FGGY: variants seen among roughly 807,000 people sequenced by gnomAD.
The protein encoded by FGGY is FGGY carbohydrate kinase domain-containing protein.
Under a neutral mutation model 71.3 loss-of-function variants are expected in FGGY, and 72 were observed. The ratio of observed to expected loss-of-function variants is 1.01; its 90% CI spans 0.84 to 1.23. FGGY has a LOEUF of 1.23. Among genes scored for constraint, FGGY ranks in the 50% most tolerant of loss-of-function variants. The pLI, the probability that FGGY is intolerant of heterozygous loss-of-function variation, is 0.00. For missense variants in FGGY, 668 were observed against 682.3 expected (o/e 0.98, Z 0.23); for synonymous variants, 251 against 250.3 (o/e 1.00, Z -0.02).
chr1:59,301,522 C>G (rs770462150), intron 1 of FGGY, among the ~76,000 whole-genome samples: 1 of 152,130 alleles, frequency 6.6e-6, no homozygotes, highest in Non-Finnish European at 1.5e-5. Flanking sequence ...TCTTCCTGAT[C>G]TGAGGGAGAT....
intron 4 of FGGY, among the ~76,000 whole-genome samples, chr1:59,354,548 C>T (rs2053917920): frequency 6.6e-6 from 1 of 152,206 alleles, no homozygotes; most frequent in Non-Finnish European, 1.5e-5. Flanking sequence ...GTTTGCTTTG[C>T]AGGCTTTGCA....
chr1:59,621,920 A>G (rs72919618), intron 9 of FGGY, among the ~76,000 whole-genome samples: 5,922 of 151,530 alleles, frequency 0.039, 188 homozygotes, highest in African/African-American at 0.089. Context: ...TGTGACTCCA[A>G]TTCCACATAT....
At chr1:59,357,351 T>A (rs1428294464) in intron 4 of FGGY, among the ~76,000 whole-genome samples, 1 of 152,254 alleles carries the variant, frequency 6.6e-6, no homozygotes, top group Non-Finnish European at 1.5e-5. Flanking sequence ...TATAATACTT[T>A]AAAAAATTTT....
intron 7 of FGGY, among the ~76,000 whole-genome samples, chr1:59,513,502 A>G (rs2094565889): frequency 6.6e-6 from 1 of 152,196 alleles, no homozygotes; most frequent in African/African-American, 2.4e-5. Context: ...GACCCATATC[A>G]GATGCTTTCT....
chr1:59,529,499 A>T (rs1317770916), intron 7 of FGGY, among the ~76,000 whole-genome samples: 1 of 152,210 alleles, frequency 6.6e-6, no homozygotes, highest in Non-Finnish European at 1.5e-5. Context: ...AACGTAGAGT[A>T]TTCTGGATGG....
intron 8 of FGGY, among the ~76,000 whole-genome samples, chr1:59,577,562 G>A (rs550797517): frequency 7.9e-5 from 12 of 151,798 alleles, no homozygotes; most frequent in Non-Finnish European, 1.5e-4. Context: ...AAAAAACAGT[G>A]TTGAATGCCT....
chr1:59,546,390 C>T (rs2095520227), intron 7 of FGGY, among the ~76,000 whole-genome samples: 1 of 112,908 alleles, frequency 8.9e-6, no homozygotes, highest in African/African-American at 3.7e-5. Context: ...AGAAAAAGAC[C>T]TTCCCTATTA....
intron 14 of FGGY, among the ~76,000 whole-genome samples, chr1:59,743,696 G>A (rs2098169548): frequency 6.6e-6 from 1 of 151,980 alleles, no homozygotes; most frequent in Admixed American, 6.6e-5. Flanking sequence ...AAAAGCCGGA[G>A]CAAGTTCTTA....
At chr1:59,507,885 T>C (rs1206778340) in intron 6 of FGGY, among the ~76,000 whole-genome samples, 1 of 152,080 alleles carries the variant, frequency 6.6e-6, no homozygotes, top group African/African-American at 2.4e-5. Context: ...CGTGCCCCTC[T>C]GGGCAATTCC....
intron 9 of FGGY, among the ~76,000 whole-genome samples, chr1:59,614,903 C>T (rs2096734182): frequency 6.6e-6 from 1 of 152,152 alleles, no homozygotes; most frequent in Non-Finnish European, 1.5e-5. Context: ...TTCACAATTG[C>T]TTCAAAGAGA....
At chr1:59,730,450 C>G (rs1275110238) in intron 14 of FGGY, among the ~76,000 whole-genome samples, 1 of 152,060 alleles carries the variant, frequency 6.6e-6, no homozygotes, top group Non-Finnish European at 1.5e-5. Flanking sequence ...AAAGCAGGGG[C>G]CATGTCTGTT....
chr1:59,426,407 G>A (rs535096524), intron 5 of FGGY, among the ~76,000 whole-genome samples: 1 of 152,168 alleles, frequency 6.6e-6, no homozygotes, highest in Non-Finnish European at 1.5e-5. Context: ...AAGGAATTGA[G>A]TTGGGAAGAG....
intron 5 of FGGY, among the ~76,000 whole-genome samples, chr1:59,445,893 T>C (rs2071121108): frequency 1.3e-5 from 2 of 152,222 alleles, no homozygotes. Context: ...CATGGACTTT[T>C]AATTGATCAG....
chr1:59,339,714 C>T (rs531059959), intron 2 of FGGY, among the ~76,000 whole-genome samples: 30 of 151,358 alleles, frequency 2.0e-4, no homozygotes, highest in Admixed American at 3.9e-4. Context: ...CTACCCACTT[C>T]GGCCTCCCAA....
chr1:59,381,314 T>C (rs2059408246), intron 5 of FGGY, among the ~76,000 whole-genome samples: 2 of 152,238 alleles, frequency 1.3e-5, no homozygotes, highest in African/African-American at 4.8e-5. Context: ...AGTAGTTTTT[T>C]TCCAATTCTG....
intron 3 of FGGY, among the ~76,000 whole-genome samples, chr1:59,342,392 T>C (rs1490247347): frequency 2.0e-5 from 3 of 152,220 alleles, no homozygotes; most frequent in Non-Finnish European, 4.4e-5. Flanking sequence ...CTTTGGATGC[T>C]ATTTTTCTTT....
intron 6 of FGGY, among the ~76,000 whole-genome samples, chr1:59,502,002 C>A (rs975592848): frequency 6.6e-6 from 1 of 152,202 alleles, no homozygotes; most frequent in Non-Finnish European, 1.5e-5. Flanking sequence ...ATGTGGCAGA[C>A]AACATGCTAA....
chr1:59,526,145 T>C (rs1263319973), intron 7 of FGGY, among the ~76,000 whole-genome samples: 1 of 152,226 alleles, frequency 6.6e-6, no homozygotes, highest in Non-Finnish European at 1.5e-5. Flanking sequence ...CATGTGTCCG[T>C]ATATATGTAT....
At chr1:59,572,238 AT>A (rs1373138328) in intron 8 of FGGY, among the ~76,000 whole-genome samples, 5 of 152,104 alleles carry the variant, frequency 3.3e-5, no homozygotes, top group African/African-American at 7.2e-5. Context: ...GAGCTGGGAG[AT>A]TTTGATTAGG....
Sources: gnomAD v4.1 joint callset for allele counts (sites outside exome capture counted in the v4.1 genomes callset) on GRCh38, gnomAD v4.1.1 for gene constraint, MANE v1.5 for transcripts, NCBI Gene and HGNC (gene_info 2026-07-23, HGNC 2026-07-21) for gene names.